DGAT1: variants seen among roughly 807,000 people sequenced by gnomAD.
The protein encoded by DGAT1 is ACAT related gene product 1.
In DGAT1, 60 loss-of-function variants were observed where a neutral mutation model predicts 72.6. The observed-to-expected ratio is 0.83, with a 90% CI of 0.67 to 1.02. The LOEUF (loss-of-function observed/expected upper bound fraction) is 1.02, where lower values mean the gene tolerates loss of function less well. Ranked by LOEUF, DGAT1 falls within the 50% of genes least tolerant of loss-of-function variation. The probability of loss-of-function intolerance (pLI) is 0.00; values close to 1 mark genes in which losing one functional copy is unlikely to be tolerated. For missense variants in DGAT1, 592 were observed against 670.0 expected (o/e 0.88, Z 1.29); for synonymous variants, 290 against 267.5 (o/e 1.08, Z -0.82).
In DGAT1 at chr8:144,316,418, G is replaced by T; in HGVS notation, c.*136C>A. ...GGGTGCAGGACAGAGCCCCATAGGGGCAGAGAGGCCTCCCTGGGACCAGAG... is the reference window on the plus strand; with the variant it reads ...GGGTGCAGGACAGAGCCCCATAGGGTCAGAGAGGCCTCCCTGGGACCAGAG... On this transcript the variant is annotated 3_prime_UTR_variant, in exon 17 of 17. Coordinates refer to ENST00000528718, the MANE Select transcript of DGAT1 (RefSeq NM_012079.6). The T allele has an allele frequency of 2.6e-6, 3 of 1,136,148 alleles. No homozygotes were observed. The highest frequency in any genetic ancestry group is 3.7e-6 in the Non-Finnish European group (3 of 821,244). 70.4% of individuals were successfully genotyped at this position (1,136,148 alleles called of 1,614,324 possible). A position where few individuals can be genotyped will look rare whatever the true frequency, so the allele number is the denominator to read the frequency against.
At position 144,315,210 on chromosome 8, in the gene DGAT1, G is replaced by A. The variant is rs1473779091; in HGVS notation, c.*1344C>T. The A allele has an allele frequency of 4.1e-6, 4 of 985,590 alleles. No homozygotes were observed. In the South Asian group the frequency reaches 1.9e-4, roughly 46 times the overall value. 61.1% of individuals were successfully genotyped at this position (985,590 alleles called of 1,614,324 possible). A position where few individuals can be genotyped will look rare whatever the true frequency, so the allele number is the denominator to read the frequency against. On this transcript the variant is annotated 3_prime_UTR_variant, in exon 17 of 17. Transcript: ENST00000528718. ...TCCACTGGCCAACTGATAGGGAGAG[G>A]CACAGGAGCCCATGTGGGATGGAGG...
rs782799050 is a variant in DGAT1, at chr8:144,318,570, G to A, written c.469-4C>T. On this transcript the variant is annotated splice_region_variant and splice_polypyrimidine_tract_variant and intron_variant, in intron 5 of 16. Transcript: ENST00000528718. Reference sequence around the variant, plus strand: ...CCGCCTGCTCCGTCAGGGCACCCTGGAGTGGGGAGCAGAGCACTCAACCAG... The same window carrying A: ...CCGCCTGCTCCGTCAGGGCACCCTGAAGTGGGGAGCAGAGCACTCAACCAG... The A allele has an allele frequency of 6.2e-7, 1 of 1,611,390 alleles. No individual in the cohort carries two copies. The highest frequency in any genetic ancestry group is 1.1e-5 in the South Asian group (1 of 90,816).
At chr8:144,318,970 G>T (rs1554847780) in intron 3 of DGAT1, 50 bp from the exon 4 acceptor site, 1 of 1,562,116 alleles carries the variant, frequency 6.4e-7, no homozygotes, top group Admixed American at 1.9e-5. Flanking sequence ...GGGGCTGTGG[G>T]GCGGGGCCTG....
At chr8:144,322,217 T>C (rs1454019044) in intron 1 of DGAT1, among the ~76,000 whole-genome samples, 5 of 152,162 alleles carry the variant, frequency 3.3e-5, no homozygotes, top group South Asian at 4.2e-4. Context: ...GGGACTGCCA[T>C]ATAGCTAGGA....
Position 144,315,979 on chromosome 8 carries a change from A to C in DGAT1, c.*575T>G. 1.0e-6 allele frequency: 1 copy of C among 982,418 alleles called. No individual in the cohort carries two copies. Among genetic ancestry groups the C allele is most frequent in the Non-Finnish European group, 1.2e-6 (1 of 826,974 alleles). The allele number at this position is 982,418 out of a possible 1,614,324, so 60.9% of individuals were successfully genotyped here. ...CAAACCCAGGGCCGACCTCTTCCCAAGCTGAAGCTGAGCACGGTGGGTGCA... is the reference window on the plus strand; with the variant it reads ...CAAACCCAGGGCCGACCTCTTCCCACGCTGAAGCTGAGCACGGTGGGTGCA... On this transcript the variant is annotated 3_prime_UTR_variant, in exon 17 of 17. Coordinates refer to ENST00000528718, the MANE Select transcript of DGAT1 (RefSeq NM_012079.6).
chr8:144,317,240 A>G lies in DGAT1; in HGVS notation c.1107T>C (p.Ser369=), dbSNP rs2130513259. 6.2e-7 allele frequency: 1 copy of G among 1,610,782 alleles called. No homozygotes were observed. Among genetic ancestry groups the G allele is most frequent in the East Asian group, 2.2e-5 (1 of 44,778 alleles). ...EFYRDWWNSE[S]VTYFWQNWNI... ...TCCAGTTCTGCCAGAAGTAGGTGAC[A>G]GACTCGGAGTTCCTGGGGGCCAAGA... The change falls in exon 14 of 17, where the codon TCT becomes TCC. Residue 369 remains serine (S), a synonymous_variant. Coordinates refer to ENST00000528718, the MANE Select transcript of DGAT1 (RefSeq NM_012079.6).
rs781969331 is a variant in DGAT1 at position 144,317,927 on chromosome 8, C to T, written c.842G>A (p.Arg281Gln). The T allele has an allele frequency of 1.6e-5, 24 of 1,521,716 alleles. No individual in the cohort carries two copies. The African/African-American group carries it at 2.2e-4, about 14-fold the overall frequency. 94.3% of individuals were successfully genotyped at this position (1,521,716 alleles called of 1,614,324 possible). The change falls in exon 9 of 17, where the codon CGG becomes CAG. Residue 281 changes from arginine to glutamine, a missense_variant. Coordinates refer to ENST00000528718, the MANE Select transcript of DGAT1 (RefSeq NM_012079.6). ...PRIRKRFLLR[R>Q]ILEMLFFTQL... ...CCCCAACCTCACCATCTCAAGGATC[C>T]GTCGCAGCAGAAAGCGCTTCCGGAT...
At chr8:144,324,392 C>CTGAT (rs1446214662) in intron 1 of DGAT1, among the ~76,000 whole-genome samples, 1 of 152,170 alleles carries the variant, frequency 6.6e-6, no homozygotes, top group Non-Finnish European at 1.5e-5. Context: ...AGAGCAAGGC[C>CTGAT]TGACGCAGAC....
Position 144,322,057 on chromosome 8 carries a change from AC to A in DGAT1, c.201-650del, listed in dbSNP as rs1481586719. On this transcript the variant is annotated intron_variant, in intron 1 of 16. Coordinates refer to ENST00000528718, the MANE Select transcript of DGAT1 (RefSeq NM_012079.6). ...AGGCTGAGGGGGCTGAAAGGAACCCACCCGGGGCTAGGTGCCTGCTGGCTGA... is the reference window on the plus strand; with the variant it reads ...AGGCTGAGGGGGCTGAAAGGAACCCACCGGGGCTAGGTGCCTGCTGGCTGA... Among the ~76,000 whole-genome samples, 15 of 152,274 alleles carry A rather than the reference AC, an allele frequency of 9.9e-5. No homozygotes were observed. In the East Asian group the frequency reaches 2.9e-3, roughly 29 times the overall value.
chr8:144,322,939 T>C (rs1817497860), intron 1 of DGAT1, among the ~76,000 whole-genome samples: 1 of 152,170 alleles, frequency 6.6e-6, no homozygotes. Context: ...ACTCACTGCC[T>C]GCCCACAACC....
intron 1 of DGAT1, 109 bp from the exon 2 acceptor site, chr8:144,321,517 C>T (rs1817458595): frequency 2.0e-6 from 2 of 979,016 alleles, no homozygotes; most frequent in East Asian, 2.4e-5. Context: ...TCAGGCCCCA[C>T]TCCTTATTTA....
chr8:144,325,700 A>G (rs1326233315), intron 1 of DGAT1, among the ~76,000 whole-genome samples: 7 of 152,128 alleles, frequency 4.6e-5, no homozygotes, highest in African/African-American at 1.7e-4. Context: ...TCAGTCATCC[A>G]GCTGAGCAGG....
chr8:144,318,187 T>C lies in DGAT1; in HGVS notation c.677-18A>G, dbSNP rs782542083. 6.2e-7 allele frequency: 1 copy of C among 1,608,320 alleles called. No homozygotes were observed. The highest frequency in any genetic ancestry group is 1.7e-5 in the Admixed American group (1 of 59,518). On this transcript the variant is annotated intron_variant, in intron 7 of 16. Coordinates refer to ENST00000528718, the MANE Select transcript of DGAT1 (RefSeq NM_012079.6). ...TGCAGAGGCTACGAGCACAGCAGAG[T>C]GGGAGGGGGCTGGTGGGGCCCTGCT...
chr8:144,320,250 C>G (rs557283000), intron 2 of DGAT1, among the ~76,000 whole-genome samples: 5 of 152,350 alleles, frequency 3.3e-5, no homozygotes, highest in African/African-American at 7.2e-5. Flanking sequence ...AAGGGCCAGG[C>G]AGGCCCAAGG....
chr8:144,325,079 A>G (rs1243658472), intron 1 of DGAT1, among the ~76,000 whole-genome samples: 3 of 151,290 alleles, frequency 2.0e-5, no homozygotes, highest in African/African-American at 7.3e-5. Context: ...AAAAGAAAAG[A>G]AAAAAAAAGA....
chr8:144,316,878 C>G lies in DGAT1; in HGVS notation c.1286G>C (p.Trp429Ser), dbSNP rs1817246606. The change falls in exon 16 of 17, where the codon TGG becomes TCG. Residue 429 changes from tryptophan to serine, a missense_variant. Transcript: ENST00000528718. ...VSVPLRMFRL[W>S]AFTGMMAQIP... Reference sequence around the variant, plus strand: ...CTGAGCCATCATGCCCGTGAACGCCCAGAGGCGGAACATTCGCAGAGGGAC... The same window carrying G: ...CTGAGCCATCATGCCCGTGAACGCCGAGAGGCGGAACATTCGCAGAGGGAC... The G allele has an allele frequency of 6.2e-7, 1 of 1,611,532 alleles. No individual in the cohort carries two copies. Among genetic ancestry groups the G allele is most frequent in the African/African-American group, 1.3e-5 (1 of 74,912 alleles).
In DGAT1 at chr8:144,316,588, A is replaced by C; in HGVS notation, c.1433T>G (p.Val478Gly). ...TGCCGCTGGGGCCTCATAGTTGAGC[A>C]CGTAGTAGTCGTGGACGTACATGAG... ...AVLMYVHDYY[V>G]LNYEAPAAEA Residue 478 changes from valine to glycine, a missense_variant, in exon 17 of 17, where the codon GTG becomes GGG. Transcript: ENST00000528718. 6.2e-7 allele frequency: 1 copy of C among 1,604,182 alleles called. No homozygotes were observed.
At chr8:144,324,973 A>C (rs1215124711) in intron 1 of DGAT1, among the ~76,000 whole-genome samples, 1 of 152,108 alleles carries the variant, frequency 6.6e-6, no homozygotes, top group Non-Finnish European at 1.5e-5. Context: ...CTGAGGCAGG[A>C]GAATCACTTG....
chr8:144,316,236 T>C lies in DGAT1; in HGVS notation c.*318A>G. ...TCCACACAGCTCTGGCACTCGCCCTTGTGGGTGTGGCCATACCCCCCACCA... is the reference window on the plus strand; with the variant it reads ...TCCACACAGCTCTGGCACTCGCCCTCGTGGGTGTGGCCATACCCCCCACCA... On this transcript the variant is annotated 3_prime_UTR_variant, in exon 17 of 17. Coordinates refer to ENST00000528718, the MANE Select transcript of DGAT1 (RefSeq NM_012079.6). 3.1e-6 allele frequency: 1 copy of C among 325,108 alleles called. No homozygotes were observed. The highest frequency in any genetic ancestry group is 5.8e-6 in the Non-Finnish European group (1 of 173,772). The allele number at this position is 325,108 out of a possible 1,614,324, so 20.1% of individuals were successfully genotyped here.
Sources: allele counts gnomAD v4.1 joint callset (sites outside exome capture counted in the v4.1 genomes callset), GRCh38; gene constraint gnomAD v4.1.1; transcripts MANE v1.5; gene names NCBI Gene and HGNC (gene_info 2026-07-23, HGNC 2026-07-21).